The following KCNQ1 variants were observed in gnomAD, a reference collection of about 807,000 sequenced individuals.
KCNQ1 encodes potassium voltage-gated channel subfamily Q member 1.
Under a neutral mutation model 72.4 loss-of-function variants are expected in KCNQ1, and 49 were observed. The ratio of observed to expected loss-of-function variants is 0.68; its 90% CI spans 0.54 to 0.86. KCNQ1 has a LOEUF of 0.86. Among genes scored for constraint, KCNQ1 ranks in the 40% least tolerant of loss-of-function variants. The pLI is 0.00. For synonymous variants in KCNQ1, 450 were observed against 412.6 expected (o/e 1.09, Z -1.10); for missense variants, 790 against 945.1 (o/e 0.84, Z 2.15).
At chr11:2,757,057 G>A (rs1846315799) in intron 11 of KCNQ1, among the ~76,000 whole-genome samples, 1 of 149,816 alleles carries the variant, frequency 6.7e-6, no homozygotes, top group Non-Finnish European at 1.5e-5. Flanking sequence ...AGAAGGCAAG[G>A]GTATCTGTTC....
At chr11:2,496,367 G>A (rs1185099729) in intron 1 of KCNQ1, among the ~76,000 whole-genome samples, 1 of 151,984 alleles carries the variant, frequency 6.6e-6, no homozygotes, top group African/African-American at 2.4e-5. Flanking sequence ...AACCCGGGAG[G>A]TGGAGCTTGC....
rs542066950 is a variant in KCNQ1, at chr11:2,492,609, G to A, written c.387-35319G>A. On this transcript the variant is annotated intron_variant, in intron 1 of 15. Transcript: ENST00000155840. The surrounding 1 kb of genome is among the most constrained non-coding windows in gnomAD (Gnocchi z 4.1). ...TTCCACTTATGAGTGAGAACATATG[G>A]TGTTTGGTTTTCTGTTCCTGTGTTA... Among the ~76,000 whole-genome samples, 24 of 152,226 alleles carry A rather than the reference G, an allele frequency of 1.6e-4. No homozygotes were observed. The East Asian group carries it at 3.7e-3, about 23-fold the overall frequency.
chr11:2,795,072 A>G (rs533785488), intron 15 of KCNQ1, among the ~76,000 whole-genome samples: 27 of 152,238 alleles, frequency 1.8e-4, no homozygotes, highest in African/African-American at 5.5e-4. Flanking sequence ...GGGTCTTCCC[A>G]TCTAACTCGC....
intron 11 of KCNQ1, among the ~76,000 whole-genome samples, chr11:2,714,962 C>G (rs945418182): frequency 6.6e-6 from 1 of 152,076 alleles, no homozygotes; most frequent in Non-Finnish European, 1.5e-5. Flanking sequence ...CAGGGGGGAG[C>G]CTGCAGGAGG....
At chr11:2,779,356 C>T (rs1006001895) in intron 15 of KCNQ1, among the ~76,000 whole-genome samples, 6 of 152,140 alleles carry the variant, frequency 3.9e-5, no homozygotes, top group Admixed American at 6.5e-5. Flanking sequence ...ACAGCAGGGC[C>T]GGGTACCCTG....
rs1294164390 is a variant in KCNQ1, at chr11:2,772,138, G to A, written c.1590+3219G>A. ...CAGGGTGAGGGGAGCAGTAGCCCGT[G>A]GCAGTGAGGAGCTGTGTGTGGCTCC... On this transcript the variant is annotated intron_variant, in intron 12 of 15. Transcript: ENST00000155840. This position sits in a 1 kb window ranked among gnomAD's most constrained non-coding sequence, Gnocchi z 6.6. Among the ~76,000 whole-genome samples the A allele has an allele frequency of 6.6e-6, 1 of 152,156 alleles. No individual in the cohort carries two copies. Among genetic ancestry groups the A allele is most frequent in the Non-Finnish European group, 1.5e-5 (1 of 68,018 alleles).
chr11:2,616,606 A>G, intron 10 of KCNQ1: 2 of 398,194 alleles, frequency 5.0e-6, no homozygotes, highest in African/African-American at 4.1e-5. Flanking sequence ...ACTTTTTGAA[A>G]GTATTTTATA....
chr11:2,586,412 C>G (rs949997113), intron 8 of KCNQ1, among the ~76,000 whole-genome samples: 1 of 152,202 alleles, frequency 6.6e-6, no homozygotes, highest in Non-Finnish European at 1.5e-5. Context: ...AAATCAGGCC[C>G]GTAAACCCGC....
intron 1 of KCNQ1, among the ~76,000 whole-genome samples, chr11:2,467,174 G>C (rs1846364167): frequency 6.6e-6 from 1 of 152,192 alleles, no homozygotes; most frequent in African/African-American, 2.4e-5. Flanking sequence ...GTGAGGGCCA[G>C]GGTGCCTCTG....
intron 11 of KCNQ1, chr11:2,681,482 GAAATGGGACTTAGT>G: frequency 2.5e-6 from 1 of 398,548 alleles, no homozygotes; most frequent in Non-Finnish European, 4.4e-6. Flanking sequence ...CCCTAGATGA[GAAATGGGACTTAGT>G]AAAGTCAAAC....
In KCNQ1 at chr11:2,734,786, G is replaced by A. The variant is rs946529754; in HGVS notation, c.1515-34058G>A. ...CCGCTCCTCCGCCATAAACCGTGTT[G>A]GATGGGCCTCCTGCCTCCTCCAGCC... is the stretch of plus-strand genomic sequence containing the variant. On this transcript the variant is annotated intron_variant, in intron 11 of 15. Coordinates refer to ENST00000155840, the MANE Select transcript of KCNQ1 (RefSeq NM_000218.3). This position sits in a 1 kb window ranked among gnomAD's most constrained non-coding sequence, Gnocchi z 7.0. Among the ~76,000 whole-genome samples, 2 of 152,060 alleles carry A rather than the reference G, an allele frequency of 1.3e-5. No individual in the cohort carries two copies. The highest frequency in any genetic ancestry group is 1.3e-4 in the Admixed American group (2 of 15,270).
intron 1 of KCNQ1, among the ~76,000 whole-genome samples, chr11:2,490,741 C>T (rs187848780): frequency 3.3e-5 from 5 of 152,200 alleles, no homozygotes; most frequent in East Asian, 3.9e-4. Flanking sequence ...AAGGCTAGAG[C>T]GCAATGGTGT....
rs1239439287 is a variant in KCNQ1 at position 2,471,282 on chromosome 11, T to G, written c.386+25798T>G. 1.3e-5 allele frequency among the ~76,000 whole-genome samples: 2 copies of G among 152,072 alleles called. No individual in the cohort carries two copies. Among genetic ancestry groups the G allele is most frequent in the Non-Finnish European group, 2.9e-5 (2 of 68,008 alleles). Reference sequence around the variant, plus strand: ...CCCCACCTCTGTGTTGCTCTGCAAGTGGGGATCAGCAGGGCTGTACCCCAA... The same window carrying G: ...CCCCACCTCTGTGTTGCTCTGCAAGGGGGGATCAGCAGGGCTGTACCCCAA... On this transcript the variant is annotated intron_variant, in intron 1 of 15. Transcript: ENST00000155840. The surrounding 1 kb of genome is among the most constrained non-coding windows in gnomAD (Gnocchi z 4.8).
At chr11:2,467,576 G>A (rs1846370168) in intron 1 of KCNQ1, among the ~76,000 whole-genome samples, 2 of 152,222 alleles carry the variant, frequency 1.3e-5, no homozygotes, top group Non-Finnish European at 2.9e-5. Flanking sequence ...TCACGTCAGG[G>A]TGCAGGCTGG....
intron 1 of KCNQ1, among the ~76,000 whole-genome samples, chr11:2,523,839 C>T (rs1048016486): frequency 1.3e-5 from 2 of 149,534 alleles, no homozygotes; most frequent in East Asian, 4.0e-4. Context: ...CTGCCCATGG[C>T]CCCCTTCCCT....
At chr11:2,640,906 A>G (rs550088756) in intron 10 of KCNQ1, 1 of 399,450 alleles carries the variant, frequency 2.5e-6, no homozygotes, top group South Asian at 1.3e-4. Flanking sequence ...TAGCTCCCAC[A>G]TATGATAATA....
At chr11:2,591,392 C>T (rs1271402613) in intron 10 of KCNQ1, among the ~76,000 whole-genome samples, 2 of 152,316 alleles carry the variant, frequency 1.3e-5, no homozygotes, top group Non-Finnish European at 1.5e-5. Flanking sequence ...GGCTGGGACC[C>T]GACCACATCT....
intron 2 of KCNQ1, among the ~76,000 whole-genome samples, chr11:2,534,617 T>C (rs1589935482): frequency 6.6e-6 from 1 of 152,172 alleles, no homozygotes; most frequent in Non-Finnish European, 1.5e-5. Flanking sequence ...GGGACGGGGG[T>C]ACCCACTCCC....
intron 1 of KCNQ1, among the ~76,000 whole-genome samples, chr11:2,517,990 C>T (rs1213344405): frequency 1.3e-5 from 2 of 152,278 alleles, no homozygotes; most frequent in African/African-American, 4.8e-5. Context: ...GCCTAACTCA[C>T]TTCCAGATTC....
Sources: gnomAD v4.1 joint callset for allele counts (sites outside exome capture counted in the v4.1 genomes callset) on GRCh38, gnomAD v4.1.1 for gene constraint, Gnocchi (gnomAD v3.1) non-coding constraint, MANE v1.5 for transcripts, NCBI Gene and HGNC (gene_info 2026-07-23, HGNC 2026-07-21) for gene names.